Variants in AKAP6 observed in about 807,000 individuals in gnomAD.
AKAP6 encodes the protein A-kinase anchoring protein 6, also known as A-kinase anchor protein 6.
Under a neutral mutation model 188.5 loss-of-function variants are expected in AKAP6, and 58 were observed. The ratio of observed to expected loss-of-function variants is 0.31; its 90% CI spans 0.25 to 0.38. The LOEUF (loss-of-function observed/expected upper bound fraction) is 0.38, where lower values mean the gene tolerates loss of function less well. Ranked by LOEUF, AKAP6 falls within the 10% of genes least tolerant of loss-of-function variation. AKAP6 has a pLI of 1.00. For missense variants in AKAP6, 2,710 were observed against 2,740.0 expected (o/e 0.99, Z 0.24); for synonymous variants, 989 against 998.6 (o/e 0.99, Z 0.18).
chr14:32,682,747 G>A (rs1889733115), intron 8 of AKAP6, among the ~76,000 whole-genome samples: 1 of 152,140 alleles, frequency 6.6e-6, no homozygotes, highest in African/African-American at 2.4e-5. Flanking sequence ...TGAAAATTTT[G>A]ATTCAGTAGG....
chr14:32,805,488 A>G (rs1441037595), intron 12 of AKAP6, among the ~76,000 whole-genome samples: 3 of 152,178 alleles, frequency 2.0e-5, no homozygotes, highest in Non-Finnish European at 4.4e-5. Flanking sequence ...TGCGGTGAGC[A>G]ACTTCCTTCC....
At chr14:32,730,169 T>C (rs923599357) in intron 9 of AKAP6, among the ~76,000 whole-genome samples, 2 of 152,200 alleles carry the variant, frequency 1.3e-5, no homozygotes, top group Admixed American at 1.3e-4. Context: ...TATTTTCACC[T>C]TAAATTATAT....
intron 8 of AKAP6, among the ~76,000 whole-genome samples, chr14:32,685,106 A>T (rs115786998): frequency 0.072 from 10,964 of 151,806 alleles, 828 homozygotes; most frequent in East Asian, 0.42. Context: ...CCTACAAAAA[A>T]TTTTTTAAGT....
chr14:32,576,557 G>C (rs1002829077), intron 4 of AKAP6, among the ~76,000 whole-genome samples: 1 of 152,046 alleles, frequency 6.6e-6, no homozygotes, highest in African/African-American at 2.4e-5. Context: ...TCCTTCCTTT[G>C]TAGCACACAG....
chr14:32,752,926 A>G (rs771491010), intron 11 of AKAP6, among the ~76,000 whole-genome samples: 1 of 151,920 alleles, frequency 6.6e-6, no homozygotes, highest in Non-Finnish European at 1.5e-5. Context: ...TATGTGTATG[A>G]ATGTGTTTAT....
intron 9 of AKAP6, among the ~76,000 whole-genome samples, chr14:32,713,135 G>A (rs1332636300): frequency 1.3e-5 from 2 of 152,052 alleles, no homozygotes; most frequent in South Asian, 2.1e-4. Flanking sequence ...GGGTGACCCA[G>A]TGCATTGTCA....
chr14:32,762,713 T>A (rs2032579981), intron 11 of AKAP6, among the ~76,000 whole-genome samples: 1 of 152,124 alleles, frequency 6.6e-6, no homozygotes, highest in Non-Finnish European at 1.5e-5. Context: ...TGTGAATGTT[T>A]GTAAAAGAAT....
intron 1 of AKAP6, among the ~76,000 whole-genome samples, chr14:32,354,380 T>C (rs978955226): frequency 1.4e-4 from 21 of 152,138 alleles, no homozygotes; most frequent in African/African-American, 4.6e-4. Flanking sequence ...TTGGACAATT[T>C]ACTTAAATCT....
chr14:32,763,982 G>A (rs1172446144), intron 11 of AKAP6, among the ~76,000 whole-genome samples: 1 of 152,132 alleles, frequency 6.6e-6, no homozygotes, highest in East Asian at 1.9e-4. Flanking sequence ...ACATTTATAT[G>A]CAAGGTATAG....
At position 32,356,675 on chromosome 14, in the gene AKAP6, TC is replaced by T. The variant is rs1287115574; in HGVS notation, c.-35+27269del. Among the ~76,000 whole-genome samples, 3 of 152,128 alleles carry T rather than the reference TC, an allele frequency of 2.0e-5. No individual in the cohort carries two copies. In the East Asian group the frequency reaches 5.8e-4, roughly 29 times the overall value. The stretch of plus-strand genomic sequence containing the variant: ...GCCCTCCACAGGCAATGTGATGGGT[TC>T]CATCTCTTGCCTCTTTGTTCTGTCC... On this transcript the variant is annotated intron_variant, in intron 1 of 13. Coordinates refer to ENST00000280979, the MANE Select transcript of AKAP6 (RefSeq NM_004274.5).
chr14:32,382,388 G>A (rs536250560), intron 1 of AKAP6, among the ~76,000 whole-genome samples: 10 of 152,230 alleles, frequency 6.6e-5, no homozygotes, highest in African/African-American at 1.7e-4. Context: ...AGCGCTGGGC[G>A]GGTTGCACAC....
At chr14:32,810,696 T>A (rs1422209187) in intron 12 of AKAP6, among the ~76,000 whole-genome samples, 1 of 152,206 alleles carries the variant, frequency 6.6e-6, no homozygotes. Flanking sequence ...TGGAGGGGAC[T>A]CAACAGAGGT....
chr14:32,546,512 T>A lies in AKAP6; in HGVS notation c.1859T>A (p.Val620Asp). 2 of 1,614,140 alleles carry A rather than the reference T, an allele frequency of 1.2e-6. No homozygotes were observed. The highest frequency in any genetic ancestry group is 1.7e-6 in the Non-Finnish European group (2 of 1,180,018). The stretch of plus-strand genomic sequence containing the variant: ...AGTCACGTCACTAGGAATGGTGAGG[T>A]TGTGGAGGCCTGGTATGGCTCTGAT... Reference protein sequence around the residue: ...SPSHVTRNGEVVEAWYGSDEY... With the variant: ...SPSHVTRNGEDVEAWYGSDEY... Residue 620 changes from valine (V) to aspartate (D), a missense_variant, in exon 4 of 14, where the codon GTT becomes GAT. This residue lies in a region of AKAP6 where 2,473 missense variants were observed against 2,426.1 expected (regional missense o/e 1.02). Coordinates refer to ENST00000280979, the MANE Select transcript of AKAP6 (RefSeq NM_004274.5).
At chr14:32,576,606 C>G (rs1018196173) in intron 4 of AKAP6, among the ~76,000 whole-genome samples, 2 of 152,100 alleles carry the variant, frequency 1.3e-5, no homozygotes, top group African/African-American at 4.8e-5. Context: ...CAGAACTCGT[C>G]CAAGGACCTG....
chr14:32,450,346 G>A (rs1350266582), intron 2 of AKAP6, among the ~76,000 whole-genome samples: 1 of 151,980 alleles, frequency 6.6e-6, no homozygotes, highest in Non-Finnish European at 1.5e-5. Flanking sequence ...GAGAGAGGGA[G>A]AGGGAGAGGG....
At chr14:32,812,776 G>C (rs1659013139) in intron 12 of AKAP6, among the ~76,000 whole-genome samples, 1 of 152,134 alleles carries the variant, frequency 6.6e-6, no homozygotes. Flanking sequence ...TCAACACTGA[G>C]GTTATTGCAC....
rs532409518 is a variant in AKAP6, at chr14:32,568,428, T to C, written c.2347-8692T>C. 3.4e-4 allele frequency among the ~76,000 whole-genome samples: 52 copies of C among 152,306 alleles called. No individual in the cohort carries two copies. The highest frequency in any genetic ancestry group is 6.6e-4 in the Non-Finnish European group (45 of 68,030). ...TTATTAGTAGGATAGATGGTAGATG[T>C]ACCTAAATGTTAAATATTGTTAATT... On this transcript the variant is annotated intron_variant, in intron 4 of 13. Transcript: ENST00000280979. The surrounding 1 kb of genome is among the most constrained non-coding windows in gnomAD (Gnocchi z 6.2).
chr14:32,478,270 T>G (rs1396209708), intron 2 of AKAP6, among the ~76,000 whole-genome samples: 2 of 152,208 alleles, frequency 1.3e-5, no homozygotes, highest in African/African-American at 4.8e-5. Flanking sequence ...GCCAAGTCCC[T>G]GTGTGATTGC....
At chr14:32,496,723 T>C (rs564558719) in intron 2 of AKAP6, among the ~76,000 whole-genome samples, 1 of 152,150 alleles carries the variant, frequency 6.6e-6, no homozygotes, top group African/African-American at 2.4e-5. Flanking sequence ...CATATGAAAT[T>C]GCCAATATTT....
Sources: allele counts gnomAD v4.1 joint callset (sites outside exome capture counted in the v4.1 genomes callset), GRCh38; gene constraint gnomAD v4.1.1; regional missense constraint gnomAD v4.1.1; non-coding constraint Gnocchi (gnomAD v3.1); transcripts MANE v1.5; gene names NCBI Gene and HGNC (gene_info 2026-07-23, HGNC 2026-07-21).